Variants in SPMIP2 observed in about 807,000 individuals in gnomAD.
SPMIP2 encodes the protein protein SPMIP2.
At chr4:159,060,643 G>C in the SPMIP2 span, among the ~76,000 whole-genome samples, 3 of 152,202 alleles carry the variant, frequency 2.0e-5, no homozygotes, top group African/African-American at 7.2e-5. Context: ...GAGAGGCTTT[G>C]AGGTGGCCAG....
the SPMIP2 span, among the ~76,000 whole-genome samples, chr4:158,916,619 A>ATATG: frequency 0.25 from 38,005 of 150,456 alleles, 5,595 homozygotes; most frequent in Non-Finnish European, 0.34. Context: ...ATGTATGTAC[A>ATATG]TATGTATGTA....
the SPMIP2 span, among the ~76,000 whole-genome samples, chr4:159,010,890 T>C: frequency 2.0e-5 from 3 of 152,292 alleles, no homozygotes; most frequent in South Asian, 4.1e-4. Context: ...TATTAAATTA[T>C]AACTTTGTGA....
chr4:158,927,841 C>T, the SPMIP2 span, among the ~76,000 whole-genome samples: 2 of 150,120 alleles, frequency 1.3e-5, no homozygotes, highest in Non-Finnish European at 2.9e-5. Flanking sequence ...GGGCTTAGCA[C>T]CCGGGCCAGC....
At chr4:158,946,667 G>A in the SPMIP2 span, among the ~76,000 whole-genome samples, 1 of 152,046 alleles carries the variant, frequency 6.6e-6, no homozygotes, top group African/African-American at 2.4e-5. Context: ...CCCATCTCAG[G>A]TCATTCTTTA....
chr4:159,060,749 A>G, the SPMIP2 span, among the ~76,000 whole-genome samples: 2 of 152,292 alleles, frequency 1.3e-5, no homozygotes, highest in Middle Eastern at 3.4e-3. Flanking sequence ...AACCTTATGT[A>G]AATTCTAATT....
the SPMIP2 span, among the ~76,000 whole-genome samples, chr4:159,061,674 G>A: frequency 8.5e-3 from 1,293 of 152,184 alleles, 20 homozygotes; most frequent in African/African-American, 0.029. Flanking sequence ...AGCTGGGGGT[G>A]GTGGCACATG....
At chr4:158,949,918 A>AT in the SPMIP2 span, among the ~76,000 whole-genome samples, 1 of 152,152 alleles carries the variant, frequency 6.6e-6, no homozygotes, top group Non-Finnish European at 1.5e-5. Context: ...TGTTTCTGTG[A>AT]TTTTCAAGCA....
At chr4:159,066,909 A>G in the SPMIP2 span, among the ~76,000 whole-genome samples, 1 of 152,170 alleles carries the variant, frequency 6.6e-6, no homozygotes, top group Non-Finnish European at 1.5e-5. Context: ...GCAATGTGTA[A>G]ACAAACGGGC....
At chr4:158,921,009 ACTCTTT>A in the SPMIP2 span, among the ~76,000 whole-genome samples, 3 of 152,272 alleles carry the variant, frequency 2.0e-5, no homozygotes, top group East Asian at 1.9e-4. Context: ...TTCTGTTTAT[ACTCTTT>A]CTCTTTATTT....
At chr4:159,026,558 C>G in the SPMIP2 span, 1 of 499,286 alleles carries the variant, frequency 2.0e-6, no homozygotes. Flanking sequence ...CAGGAAATAG[C>G]TATGAAAATC....
chr4:159,056,571 A>G, the SPMIP2 span, among the ~76,000 whole-genome samples: 3 of 152,330 alleles, frequency 2.0e-5, no homozygotes, highest in East Asian at 5.8e-4. Context: ...CATGGACTTC[A>G]TTTCCAAAGG....
At chr4:159,046,199 A>C in the SPMIP2 span, among the ~76,000 whole-genome samples, 2 of 151,230 alleles carry the variant, frequency 1.3e-5, no homozygotes, top group African/African-American at 4.9e-5. Context: ...ACTGCACTCC[A>C]GCCTGGGTGA....
At chr4:159,007,692 C>A in the SPMIP2 span, 2 of 711,256 alleles carry the variant, frequency 2.8e-6, no homozygotes, top group South Asian at 1.3e-5. Flanking sequence ...CTTGGTGCAC[C>A]AGCGAGATGA....
the SPMIP2 span, among the ~76,000 whole-genome samples, chr4:159,018,234 TAACAGCCCACGTGGCTGC>T: frequency 1.3e-5 from 2 of 152,342 alleles, no homozygotes; most frequent in South Asian, 2.1e-4. Flanking sequence ...AGCATATCAG[TAACAGCCCACGTGGCTGC>T]AGCAGCCCCT....
chr4:158,904,283 G>A, the SPMIP2 span, among the ~76,000 whole-genome samples: 3 of 152,036 alleles, frequency 2.0e-5, no homozygotes, highest in Non-Finnish European at 1.5e-5. Flanking sequence ...AGTGTCCACT[G>A]GAATATTTTA....
At chr4:159,046,836 G>A in the SPMIP2 span, among the ~76,000 whole-genome samples, 70 of 152,382 alleles carry the variant, frequency 4.6e-4, 1 homozygote, top group South Asian at 0.014. Flanking sequence ...GCCTCCCAAA[G>A]TGCTGGGATT....
the SPMIP2 span, among the ~76,000 whole-genome samples, chr4:158,970,831 A>G: frequency 6.6e-6 from 1 of 152,162 alleles, no homozygotes; most frequent in Non-Finnish European, 1.5e-5. Flanking sequence ...TGGGGCCAAG[A>G]AAGTGCACAG....
At chr4:158,921,116 C>T in the SPMIP2 span, among the ~76,000 whole-genome samples, 2 of 149,826 alleles carry the variant, frequency 1.3e-5, no homozygotes, top group Non-Finnish European at 2.9e-5. Context: ...AGTGCTGTCT[C>T]GTGACAGAGT....
the SPMIP2 span, among the ~76,000 whole-genome samples, chr4:158,959,643 A>G: frequency 6.6e-6 from 1 of 152,224 alleles, no homozygotes; most frequent in Non-Finnish European, 1.5e-5. Context: ...AAAACCTATG[A>G]TAACAAAGAC....
Sources: gnomAD v4.1 joint callset for allele counts (sites outside exome capture counted in the v4.1 genomes callset) on GRCh38, gnomAD v4.1.1 for gene constraint, MANE v1.5 for transcripts, NCBI Gene and HGNC (gene_info 2026-07-23, HGNC 2026-07-21) for gene names.